The following LRRC3B variants were observed in gnomAD, a reference collection of about 807,000 sequenced individuals.
LRRC3B encodes the protein leucine rich repeat containing 3B, also known as leucine-rich repeat-containing protein 3B.
A neutral mutation model predicts 12.8 loss-of-function variants in LRRC3B; 2 were observed. That is an observed-to-expected ratio of 0.16 (90% confidence interval 0.06 to 0.49). LRRC3B has a LOEUF of 0.49. Among genes scored for constraint, LRRC3B ranks in the 20% least tolerant of loss-of-function variants. LRRC3B has a pLI of 0.96. For synonymous variants in LRRC3B, 132 were observed against 122.0 expected (o/e 1.08, Z -0.54); for missense variants, 189 against 319.4 (o/e 0.59, Z 3.11).
chr3:26,709,488 T>C, intron 1 of LRRC3B, 25 bp from the exon 2 acceptor site: 4 of 621,124 alleles, frequency 6.4e-6, no homozygotes, highest in South Asian at 4.1e-5. Context: ...AAGGAACTAA[T>C]TGCATCTGTT....
At chr3:26,644,188 G>A (rs6809576) in intron 1 of LRRC3B, among the ~76,000 whole-genome samples, 51,842 of 152,032 alleles carry the variant, frequency 0.34, 9,368 homozygotes, top group African/African-American at 0.45. Context: ...ATGAACACAG[G>A]TAGAGCTTAG....
intron 1 of LRRC3B, among the ~76,000 whole-genome samples, chr3:26,703,686 G>C (rs1700513155): frequency 6.6e-6 from 1 of 151,320 alleles, no homozygotes; most frequent in African/African-American, 2.4e-5. Flanking sequence ...CAGAGATTGT[G>C]GTTTGGTTTC....
chr3:26,707,445 A>G (rs977394557), intron 1 of LRRC3B, among the ~76,000 whole-genome samples: 3 of 152,148 alleles, frequency 2.0e-5, no homozygotes, highest in African/African-American at 7.2e-5. Flanking sequence ...ATTGCTTACT[A>G]TTGTCTCTGC....
At chr3:26,661,831 CT>C (rs745416868) in intron 1 of LRRC3B, among the ~76,000 whole-genome samples, 1 of 152,136 alleles carries the variant, frequency 6.6e-6, no homozygotes, top group Non-Finnish European at 1.5e-5. Flanking sequence ...TTCTGTATTT[CT>C]TTAGATTCTA....
At chr3:26,645,836 C>A (rs1408326355) in intron 1 of LRRC3B, among the ~76,000 whole-genome samples, 1 of 152,138 alleles carries the variant, frequency 6.6e-6, no homozygotes, top group Non-Finnish European at 1.5e-5. Context: ...GATGGCCAAC[C>A]ATTAAGATTA....
intron 1 of LRRC3B, among the ~76,000 whole-genome samples, chr3:26,706,678 T>A (rs1457396619): frequency 6.6e-6 from 1 of 152,172 alleles, no homozygotes; most frequent in South Asian, 2.1e-4. Flanking sequence ...ACCATGACCA[T>A]TGGACTGATC....
intron 1 of LRRC3B, among the ~76,000 whole-genome samples, chr3:26,632,435 A>G (rs1698776524): frequency 6.6e-6 from 1 of 152,200 alleles, no homozygotes; most frequent in Non-Finnish European, 1.5e-5. Context: ...GAGGCTGAAG[A>G]AAGAGGCTGA....
intron 1 of LRRC3B, among the ~76,000 whole-genome samples, chr3:26,699,373 G>A (rs1460638134): frequency 6.6e-6 from 1 of 152,080 alleles, no homozygotes; most frequent in Non-Finnish European, 1.5e-5. Context: ...GACCAATGAG[G>A]TGGATATTAT....
chr3:26,693,234 CA>C (rs1292226866), intron 1 of LRRC3B, among the ~76,000 whole-genome samples: 1 of 145,494 alleles, frequency 6.9e-6, no homozygotes, highest in Non-Finnish European at 1.5e-5. Context: ...GAGGCTGAGG[CA>C]GGAGAATGGC....
chr3:26,690,045 T>A (rs1474552305), intron 1 of LRRC3B, among the ~76,000 whole-genome samples: 1 of 152,204 alleles, frequency 6.6e-6, no homozygotes, highest in Non-Finnish European at 1.5e-5. Context: ...ATGCTGTGAC[T>A]CTGCACAAAG....
chr3:26,626,628 CTTT>C (rs1698632001), intron 1 of LRRC3B, among the ~76,000 whole-genome samples: 1 of 152,096 alleles, frequency 6.6e-6, no homozygotes, highest in South Asian at 2.1e-4. Context: ...TAGGAAAAGG[CTTT>C]TTATTTTTAA....
intron 1 of LRRC3B, among the ~76,000 whole-genome samples, chr3:26,634,772 G>A (rs1698830772): frequency 6.6e-6 from 1 of 152,194 alleles, no homozygotes; most frequent in African/African-American, 2.4e-5. Flanking sequence ...CCCTATAAAA[G>A]TCAAATTATT....
chr3:26,710,578 G>A (rs1700728510), exon 2 of LRRC3B: 1 of 991,550 alleles, frequency 1.0e-6, no homozygotes, highest in East Asian at 2.6e-5. Context: ...TTTGAATTAT[G>A]CCACTGCTGA....
chr3:26,628,423 GAA>G (rs35313598), intron 1 of LRRC3B, among the ~76,000 whole-genome samples: 5,035 of 134,054 alleles, frequency 0.038, 267 homozygotes, highest in African/African-American at 0.11. Context: ...GAAGATACTG[GAA>G]AAAAAAAAAA....
chr3:26,624,846 A>C (rs1373163272), intron 1 of LRRC3B: 2 of 152,252 alleles, frequency 1.3e-5, no homozygotes, highest in African/African-American at 4.8e-5. Context: ...CACCCCAGCA[A>C]TCTGGAGTGC....
At chr3:26,691,174 A>G (rs1025997476) in intron 1 of LRRC3B, among the ~76,000 whole-genome samples, 1 of 145,472 alleles carries the variant, frequency 6.9e-6, no homozygotes, top group African/African-American at 2.5e-5. Context: ...TTGACCTTAC[A>G]TGATCTCCCG....
At chr3:26,644,527 A>G (rs1458493716) in intron 1 of LRRC3B, among the ~76,000 whole-genome samples, 1 of 152,210 alleles carries the variant, frequency 6.6e-6, no homozygotes, top group Non-Finnish European at 1.5e-5. Flanking sequence ...TGACCCTGGA[A>G]TCTACGAAAA....
chr3:26,708,200 C>T (rs1469839168), intron 1 of LRRC3B, among the ~76,000 whole-genome samples: 1 of 152,160 alleles, frequency 6.6e-6, no homozygotes, highest in Non-Finnish European at 1.5e-5. Flanking sequence ...GGACTGAATG[C>T]TCTTCTTGTT....
intron 1 of LRRC3B, among the ~76,000 whole-genome samples, chr3:26,641,727 C>T (rs1051236278): frequency 6.6e-5 from 10 of 151,240 alleles, no homozygotes; most frequent in Non-Finnish European, 1.0e-4. Context: ...ATTAAAATGG[C>T]GGAGTAACTT....
Sources: gnomAD v4.1 joint callset for allele counts (sites outside exome capture counted in the v4.1 genomes callset) on GRCh38, gnomAD v4.1.1 for gene constraint, MANE v1.5 for transcripts, NCBI Gene and HGNC (gene_info 2026-07-23, HGNC 2026-07-21) for gene names.